Variants in MCC observed in about 807,000 individuals in gnomAD.
MCC encodes colorectal mutant cancer protein.
Under a neutral mutation model 116.2 loss-of-function variants are expected in MCC, and 90 were observed. The ratio of observed to expected loss-of-function variants is 0.77; its 90% CI spans 0.65 to 0.92. The LOEUF is 0.92. Among genes scored for constraint, MCC ranks in the 40% least tolerant of loss-of-function variants. The pLI is 0.00. For missense variants in MCC, 1,516 were observed against 1,312.2 expected (o/e 1.16, Z -2.40); for synonymous variants, 578 against 510.5 (o/e 1.13, Z -1.78).
chr5:113,351,078 C>A (rs1043656135), intron 2 of MCC, among the ~76,000 whole-genome samples: 1 of 152,048 alleles, frequency 6.6e-6, no homozygotes, highest in Non-Finnish European at 1.5e-5. Flanking sequence ...CCCTCATACA[C>A]TGTTGGTGGG....
chr5:113,442,032 G>A (rs1249492099), intron 1 of MCC, among the ~76,000 whole-genome samples: 2 of 152,108 alleles, frequency 1.3e-5, no homozygotes, highest in Non-Finnish European at 2.9e-5. Context: ...GGGTCAAATG[G>A]TATTTCTAGT....
At chr5:113,135,515 T>C (rs1340683234) in intron 5 of MCC, among the ~76,000 whole-genome samples, 1 of 140,176 alleles carries the variant, frequency 7.1e-6, no homozygotes, top group Non-Finnish European at 1.5e-5. Flanking sequence ...ACCGAGATCG[T>C]GCCACTGCAC....
chr5:113,448,265 T>C (rs1432993438), intron 1 of MCC: 1 of 152,234 alleles, frequency 6.6e-6, no homozygotes, highest in Non-Finnish European at 1.5e-5. Context: ...GCCTCTCCAT[T>C]CTTCTCCTTT....
At chr5:113,371,580 C>A (rs1768837932) in intron 2 of MCC, among the ~76,000 whole-genome samples, 1 of 152,070 alleles carries the variant, frequency 6.6e-6, no homozygotes, top group Non-Finnish European at 1.5e-5. Flanking sequence ...ATATGAAGTA[C>A]CAGATTAAAT....
chr5:113,220,843 G>C (rs1466297713), intron 3 of MCC, among the ~76,000 whole-genome samples: 1 of 152,174 alleles, frequency 6.6e-6, no homozygotes, highest in African/African-American at 2.4e-5. Context: ...GCACTGGCTA[G>C]AACATCTAGT....
chr5:113,128,085 C>T (rs1758185005), intron 5 of MCC, among the ~76,000 whole-genome samples: 2 of 152,232 alleles, frequency 1.3e-5, no homozygotes, highest in Admixed American at 6.5e-5. Flanking sequence ...AGGGAAAAGT[C>T]AATGGAAGTA....
At chr5:113,094,224 T>C (rs1267549265) in intron 8 of MCC, among the ~76,000 whole-genome samples, 3 of 152,184 alleles carry the variant, frequency 2.0e-5, no homozygotes, top group Non-Finnish European at 2.9e-5. Context: ...TGGTATTTTA[T>C]TGTTAATGGC....
chr5:113,459,825 AACACACACACACACAC>A (rs5870543), intron 1 of MCC, among the ~76,000 whole-genome samples: 1 of 147,534 alleles, frequency 6.8e-6, no homozygotes, highest in Non-Finnish European at 1.5e-5. Context: ...CGCTATGGAA[AACACACACACACACAC>A]ACACACACAC....
At chr5:113,291,114 T>A (rs1332701130) in intron 3 of MCC, among the ~76,000 whole-genome samples, 1 of 152,230 alleles carries the variant, frequency 6.6e-6, no homozygotes, top group African/African-American at 2.4e-5. Flanking sequence ...GGATCTTAAA[T>A]GGCTATTGTT....
chr5:113,423,905 G>A (rs1386873986), intron 1 of MCC, among the ~76,000 whole-genome samples: 2 of 152,088 alleles, frequency 1.3e-5, no homozygotes, highest in Admixed American at 6.6e-5. Context: ...AAGTCCTCAC[G>A]GAGAATGGTA....
At chr5:113,472,934 C>T (rs1015947996) in intron 1 of MCC, among the ~76,000 whole-genome samples, 2 of 152,182 alleles carry the variant, frequency 1.3e-5, no homozygotes. Flanking sequence ...TTGGTTCATT[C>T]ATTCAATGTT....
chr5:113,424,458 T>C (rs1353511939), intron 1 of MCC, among the ~76,000 whole-genome samples: 1 of 152,158 alleles, frequency 6.6e-6, no homozygotes, highest in African/African-American at 2.4e-5. Context: ...CTCACACCTG[T>C]AATCCCAGCA....
intron 11 of MCC, among the ~76,000 whole-genome samples, chr5:113,077,640 G>A (rs1754549961): frequency 6.6e-6 from 1 of 152,192 alleles, no homozygotes; most frequent in Non-Finnish European, 1.5e-5. Context: ...AAGAATCTCT[G>A]GGACACATTT....
chr5:113,039,850 T>C (rs535243598), intron 17 of MCC, among the ~76,000 whole-genome samples: 1 of 152,084 alleles, frequency 6.6e-6, no homozygotes, highest in South Asian at 2.1e-4. Context: ...ACAAACACCA[T>C]GTGAGTACAA....
intron 3 of MCC, among the ~76,000 whole-genome samples, chr5:113,199,133 A>C (rs1346364088): frequency 6.6e-6 from 1 of 152,070 alleles, no homozygotes; most frequent in African/African-American, 2.4e-5. Flanking sequence ...GCACCACTGC[A>C]CTCCATCCAG....
intron 1 of MCC, among the ~76,000 whole-genome samples, chr5:113,390,855 T>C (rs1769382133): frequency 6.6e-6 from 1 of 152,188 alleles, no homozygotes; most frequent in Non-Finnish European, 1.5e-5. Context: ...CCAGAAATAG[T>C]TGCTCATGAA....
intron 5 of MCC, among the ~76,000 whole-genome samples, chr5:113,127,033 G>A (rs868425966): frequency 1.5e-4 from 23 of 151,994 alleles, no homozygotes; most frequent in African/African-American, 4.6e-4. Context: ...CCATCCACCC[G>A]CAAGTAGGCC....
At chr5:113,124,136 T>G (rs1320997669) in intron 5 of MCC, among the ~76,000 whole-genome samples, 1 of 152,210 alleles carries the variant, frequency 6.6e-6, no homozygotes, top group East Asian at 1.9e-4. Context: ...AAGCTTTATG[T>G]AGATATAAAG....
intron 1 of MCC, among the ~76,000 whole-genome samples, chr5:113,483,467 T>C (rs1407552607): frequency 6.6e-6 from 1 of 152,188 alleles, no homozygotes; most frequent in Non-Finnish European, 1.5e-5. Flanking sequence ...TGCAGATATA[T>C]CACTGGGAAA....
Sources: gnomAD v4.1 joint callset for allele counts (sites outside exome capture counted in the v4.1 genomes callset) on GRCh38, gnomAD v4.1.1 for gene constraint, MANE v1.5 for transcripts, NCBI Gene and HGNC (gene_info 2026-07-23, HGNC 2026-07-21) for gene names.